SYNE2: variants seen among roughly 807,000 people sequenced by gnomAD.
The protein encoded by SYNE2 is nesprin-2.
SYNE2 carries 431 observed loss-of-function variants against 856.3 expected under a neutral mutation model. The ratio of observed to expected loss-of-function variants is 0.50; its 90% CI spans 0.47 to 0.55. SYNE2 has a LOEUF of 0.55. Among genes scored for constraint, SYNE2 ranks in the 20% least tolerant of loss-of-function variants. The pLI is 0.00. For synonymous variants in SYNE2, 2,923 were observed against 2,872.3 expected (o/e 1.02, Z -0.56); for missense variants, 8,129 against 8,023.2 (o/e 1.01, Z -0.50).
chr14:64,067,129 C>T (rs1038658031), intron 51 of SYNE2, among the ~76,000 whole-genome samples: 1 of 152,068 alleles, frequency 6.6e-6, no homozygotes, highest in Non-Finnish European at 1.5e-5. Flanking sequence ...TCATATAGAA[C>T]TTTCTAATTA....
At chr14:64,131,079 T>C (rs1416158383) in intron 76 of SYNE2, among the ~76,000 whole-genome samples, 1 of 152,206 alleles carries the variant, frequency 6.6e-6, no homozygotes, top group East Asian at 1.9e-4. Context: ...GGACGGTTCC[T>C]ACCTGAGGTA....
chr14:63,821,818 T>C (rs1307233486), intron 1 of SYNE2, among the ~76,000 whole-genome samples: 1 of 152,070 alleles, frequency 6.6e-6, no homozygotes, highest in Non-Finnish European at 1.5e-5. Context: ...GGAACTTGTC[T>C]AAAAATTGTC....
intron 31 of SYNE2, among the ~76,000 whole-genome samples, chr14:64,008,928 C>T (rs1387175349): frequency 6.6e-6 from 1 of 152,116 alleles, no homozygotes; most frequent in East Asian, 1.9e-4. Context: ...CCTCGGCCTC[C>T]CTGGCAGTTT....
intron 1 of SYNE2, among the ~76,000 whole-genome samples, chr14:63,895,691 C>T (rs971234365): frequency 3.4e-5 from 5 of 146,572 alleles, no homozygotes; most frequent in African/African-American, 1.3e-4. Context: ...TGGCTTGAGT[C>T]CAGGAGGCAA....
rs2098683247 is a variant in SYNE2, at chr14:64,219,309, A to G, written c.19759A>G (p.Thr6587Ala). 1.2e-6 allele frequency: 2 copies of G among 1,613,870 alleles called. No individual in the cohort carries two copies. The highest frequency in any genetic ancestry group is 1.7e-5 in the Admixed American group (1 of 59,974). ...GCTGAACTCTGATATCAGCGCCATC[A>G]CTACTTGGCTGAAAAAAACTGAAGC... is the stretch of plus-strand genomic sequence containing the variant. ...QQLNSDISAI[T>A]TWLKKTEAEL... The change falls in exon 110 of 116, where the codon ACT becomes GCT. Residue 6587 changes from threonine to alanine, a missense_variant. Coordinates refer to ENST00000555002, the MANE Select transcript of SYNE2 (RefSeq NM_182914.3).
At chr14:63,880,153 C>T (rs1012546014) in intron 1 of SYNE2, among the ~76,000 whole-genome samples, 5 of 152,124 alleles carry the variant, frequency 3.3e-5, no homozygotes, top group Admixed American at 1.3e-4. Flanking sequence ...TGCAGTAGCA[C>T]GATCTTGGCT....
intron 1 of SYNE2, among the ~76,000 whole-genome samples, chr14:63,810,303 A>G (rs1888568928): frequency 6.6e-6 from 1 of 152,170 alleles, no homozygotes; most frequent in Non-Finnish European, 1.5e-5. Context: ...ATTAAATTGC[A>G]TGGAAGCATG....
chr14:64,070,786 C>G lies in SYNE2; in HGVS notation c.10573C>G (p.Gln3525Glu). 2 of 1,614,198 alleles carry G rather than the reference C, an allele frequency of 1.2e-6. No homozygotes were observed. Among genetic ancestry groups the G allele is most frequent in the East Asian group, 4.5e-5 (2 of 44,886 alleles). The change falls in exon 52 of 116, where the codon CAG (glutamine) becomes GAG (glutamate). Residue 3525 changes from glutamine (Q) to glutamate (E), a missense_variant. By Grantham distance (29) the Gln-to-Glu change is conservative (BLOSUM62 2). Coordinates refer to ENST00000555002, the MANE Select transcript of SYNE2 (RefSeq NM_182914.3). The part of the protein sequence containing the change: ...CQYGENVEKQ[Q>E]LLLTLLLQRI... ...ATATGGAGAGAACGTGGAGAAGCAACAGCTGTTACTGACTCTACTTCTTCA... is the reference window on the plus strand; with the variant it reads ...ATATGGAGAGAACGTGGAGAAGCAAGAGCTGTTACTGACTCTACTTCTTCA...
rs537536812 is a variant in SYNE2, at chr14:64,167,694, G to A, written c.16905+55G>A. The A allele has an allele frequency of 6.3e-4, 1,009 of 1,612,072 alleles. 1 individual carries two copies. The highest frequency in any genetic ancestry group is 7.6e-4 in the Non-Finnish European group (892 of 1,179,044). ...CCGCTCATCTGGGGCAGGAGTCAGG[G>A]AAAGATAGCTTTAAATAAAACACAG... On this transcript the variant is annotated intron_variant, in intron 92 of 115. Transcript: ENST00000555002.
intron 107 of SYNE2, chr14:64,216,045 G>T: frequency 6.7e-7 from 1 of 1,487,598 alleles, no homozygotes; most frequent in South Asian, 1.3e-5. Context: ...GTGCTCCGTT[G>T]TGTACCCATC....
At chr14:63,778,222 T>G (rs1205174536) in intron 1 of SYNE2, among the ~76,000 whole-genome samples, 2 of 152,166 alleles carry the variant, frequency 1.3e-5, no homozygotes, top group African/African-American at 4.8e-5. Flanking sequence ...TCCCTGCTCT[T>G]GCTCATGCCC....
chr14:63,797,136 G>A (rs1390856031), intron 1 of SYNE2, among the ~76,000 whole-genome samples: 9 of 151,186 alleles, frequency 6.0e-5, no homozygotes, highest in Non-Finnish European at 1.0e-4. Flanking sequence ...TAGGCTGGAC[G>A]TGGTGGCTCA....
intron 32 of SYNE2, among the ~76,000 whole-genome samples, chr14:64,015,506 G>T (rs1483874022): frequency 6.6e-6 from 1 of 152,038 alleles, no homozygotes; most frequent in South Asian, 2.1e-4. Context: ...CTTATTATCT[G>T]CTTGATGTCT....
intron 99 of SYNE2, among the ~76,000 whole-genome samples, chr14:64,198,266 C>CT (rs759332179): frequency 1.4e-4 from 21 of 152,216 alleles, no homozygotes; most frequent in Middle Eastern, 3.2e-3. Flanking sequence ...TGTGTGCCAG[C>CT]AGTCTGGTTT....
chr14:64,012,453 T>C (rs1007743252), intron 32 of SYNE2, among the ~76,000 whole-genome samples: 3 of 152,344 alleles, frequency 2.0e-5, no homozygotes, highest in African/African-American at 7.2e-5. Context: ...AAACTTGTTA[T>C]TTAACTGTTT....
chr14:63,807,866 A>ATATATATATATAT (rs1595129664), intron 1 of SYNE2, among the ~76,000 whole-genome samples: 2 of 45,364 alleles, frequency 4.4e-5, no homozygotes, highest in Non-Finnish European at 9.7e-5. Context: ...TATATATATA[A>ATATATATATATAT]TTTCAATAGT....
At chr14:64,191,334 A>G (rs1378438504) in intron 99 of SYNE2, among the ~76,000 whole-genome samples, 1 of 152,136 alleles carries the variant, frequency 6.6e-6, no homozygotes, top group Non-Finnish European at 1.5e-5. Context: ...AGTCAGTTAC[A>G]TTAGTGGGAG....
At chr14:64,002,441 T>C (rs920529253) in intron 29 of SYNE2, among the ~76,000 whole-genome samples, 3 of 152,256 alleles carry the variant, frequency 2.0e-5, no homozygotes, top group African/African-American at 7.2e-5. Flanking sequence ...TTTGTTCATT[T>C]TTCAGATTAT....
At chr14:63,942,210 A>G in intron 6 of SYNE2, 67 bp downstream of exon 6, 1 of 958,304 alleles carries the variant, frequency 1.0e-6, no homozygotes, top group Non-Finnish European at 1.7e-6. Flanking sequence ...GTAATGCAAT[A>G]AGTGTGAGTG....
Sources: allele counts gnomAD v4.1 joint callset (sites outside exome capture counted in the v4.1 genomes callset), GRCh38; gene constraint gnomAD v4.1.1; transcripts MANE v1.5; gene names NCBI Gene and HGNC (gene_info 2026-07-23, HGNC 2026-07-21).